The following AGAP1 variants were observed in gnomAD, a reference collection of about 807,000 sequenced individuals.
AGAP1 encodes the protein ArfGAP with GTPase domain, ankyrin repeat and PH domain 1, also known as arf-GAP with GTPase, ANK repeat and PH domain-containing protein 1.
AGAP1 carries 29 observed loss-of-function variants against 105.3 expected under a neutral mutation model. That is an observed-to-expected ratio of 0.28 (90% confidence interval 0.21 to 0.38). The LOEUF (loss-of-function observed/expected upper bound fraction) is 0.38, where lower values mean the gene tolerates loss of function less well. Ranked by LOEUF, AGAP1 falls within the 10% of genes least tolerant of loss-of-function variation. AGAP1 has a pLI of 1.00. For synonymous variants in AGAP1, 509 were observed against 485.9 expected (o/e 1.05, Z -0.63); for missense variants, 998 against 1,165.1 (o/e 0.86, Z 2.09).
At chr2:235,542,532 A>G (rs1350357375) in intron 1 of AGAP1, among the ~76,000 whole-genome samples, 1 of 152,122 alleles carries the variant, frequency 6.6e-6, no homozygotes, top group Non-Finnish European at 1.5e-5. Flanking sequence ...AAAAATCCCA[A>G]ATCCGTACAT....
At chr2:235,638,170 C>CTCTA (rs1491330070) in intron 1 of AGAP1, among the ~76,000 whole-genome samples, 1 of 152,170 alleles carries the variant, frequency 6.6e-6, no homozygotes, top group East Asian at 1.9e-4. Flanking sequence ...GAGAGCAAGA[C>CTCTA]TCTAGTTGGT....
At chr2:235,776,553 C>T (rs1292966429) in intron 6 of AGAP1, among the ~76,000 whole-genome samples, 1 of 152,156 alleles carries the variant, frequency 6.6e-6, no homozygotes, top group Non-Finnish European at 1.5e-5. Flanking sequence ...TCGAGGGTCT[C>T]CTAAGTTGAA....
intron 1 of AGAP1, among the ~76,000 whole-genome samples, chr2:235,502,897 A>C (rs1052874050): frequency 1.3e-5 from 2 of 151,990 alleles, no homozygotes; most frequent in Non-Finnish European, 2.9e-5. Flanking sequence ...TCTCACTCAG[A>C]TAATAGTCTG....
intron 13 of AGAP1, among the ~76,000 whole-genome samples, chr2:236,030,313 C>T (rs551053180): frequency 6.6e-6 from 1 of 152,336 alleles, no homozygotes; most frequent in African/African-American, 2.4e-5. Flanking sequence ...CCATGCCCAG[C>T]CTGTATCAGT....
intron 1 of AGAP1, among the ~76,000 whole-genome samples, chr2:235,516,168 G>A (rs1244726146): frequency 1.3e-5 from 2 of 151,976 alleles, no homozygotes; most frequent in African/African-American, 4.8e-5. Flanking sequence ...GGAACGTGCT[G>A]TCTTCCCATC....
chr2:236,021,514 G>A (rs1286608750), intron 13 of AGAP1, among the ~76,000 whole-genome samples: 1 of 152,144 alleles, frequency 6.6e-6, no homozygotes, highest in Admixed American at 6.5e-5. Context: ...TGCAAAGTGG[G>A]GAGTGTGTCA....
intron 12 of AGAP1, among the ~76,000 whole-genome samples, chr2:235,956,454 C>A (rs570039359): frequency 6.6e-6 from 1 of 152,186 alleles, no homozygotes; most frequent in Admixed American, 6.5e-5. Context: ...CTCTGTGTTC[C>A]TTCTGTCATC....
chr2:235,603,319 T>C (rs1046818342), intron 1 of AGAP1, among the ~76,000 whole-genome samples: 4 of 152,178 alleles, frequency 2.6e-5, no homozygotes, highest in African/African-American at 9.7e-5. Flanking sequence ...TTAAACCTCT[T>C]TTTGTTTATA....
chr2:235,988,612 T>C lies in AGAP1; in HGVS notation c.1645+19989T>C, dbSNP rs1312751870. 1.3e-5 allele frequency among the ~76,000 whole-genome samples: 2 copies of C among 152,108 alleles called. No homozygotes were observed. Among genetic ancestry groups the C allele is most frequent in the Non-Finnish European group, 2.9e-5 (2 of 68,026 alleles). ...CATCTGCAGAGGTCAGCTTTTTCCA[T>C]TGTCTCTGAAACACTTGCATTTTTC... On this transcript the variant is annotated intron_variant, in intron 13 of 17. Coordinates refer to ENST00000304032, the MANE Select transcript of AGAP1 (RefSeq NM_001037131.3). The surrounding 1 kb of genome is among the most constrained non-coding windows in gnomAD (Gnocchi z 4.7).
At chr2:235,968,656 T>C in intron 13 of AGAP1, 33 bp downstream of exon 13, 1 of 1,577,464 alleles carries the variant, frequency 6.3e-7, no homozygotes, top group Non-Finnish European at 8.6e-7. Context: ...GGAGAGAGTC[T>C]CCACTGCGGA....
rs907336062 is a variant in AGAP1 at position 235,988,466 on chromosome 2, C to T, written c.1645+19843C>T. On this transcript the variant is annotated intron_variant, in intron 13 of 17. Transcript: ENST00000304032. The surrounding 1 kb of genome is among the most constrained non-coding windows in gnomAD (Gnocchi z 4.7). ...GTCCTTAAATGCCACCCCCAACCCCCGCCCCGAAGTCAGGAAGTGATTTCT... is the reference window on the plus strand; with the variant it reads ...GTCCTTAAATGCCACCCCCAACCCCTGCCCCGAAGTCAGGAAGTGATTTCT... 7.2e-5 allele frequency among the ~76,000 whole-genome samples: 11 copies of T among 152,150 alleles called. No homozygotes were observed. The highest frequency in any genetic ancestry group is 1.9e-4 in the African/African-American group (8 of 41,434).
In AGAP1 at chr2:235,574,905, T is replaced by C. The variant is rs1161805217; in HGVS notation, c.163+80056T>C. Among the ~76,000 whole-genome samples the C allele has an allele frequency of 6.6e-6, 1 of 152,180 alleles. No homozygotes were observed. Among genetic ancestry groups the C allele is most frequent in the Non-Finnish European group, 1.5e-5 (1 of 68,036 alleles). ...AGGGAGGCCGAGGCAAATGGATCAC[T>C]TGAGCTCAGGAGTTCGACACCAGCC... is the stretch of plus-strand genomic sequence containing the variant. On this transcript the variant is annotated intron_variant, in intron 1 of 17. Transcript: ENST00000304032. This position sits in a 1 kb window ranked among gnomAD's most constrained non-coding sequence, Gnocchi z 5.0.
In AGAP1 at chr2:236,073,857, CA is replaced by C. The variant is rs1410560615; in HGVS notation, c.2114+24577del. Reference sequence around the variant, plus strand: ...CTGCAGGAGACCTGCAGCCCCCCACCAGACCCCCAGAATCACACTATGCTGG... The same window carrying C: ...CTGCAGGAGACCTGCAGCCCCCCACCGACCCCCAGAATCACACTATGCTGG... On this transcript the variant is annotated intron_variant, in intron 16 of 17. Coordinates refer to ENST00000304032, the MANE Select transcript of AGAP1 (RefSeq NM_001037131.3). The surrounding 1 kb of genome is among the most constrained non-coding windows in gnomAD (Gnocchi z 5.4). Among the ~76,000 whole-genome samples the C allele has an allele frequency of 6.6e-6, 1 of 152,142 alleles. No homozygotes were observed. The highest frequency in any genetic ancestry group is 1.5e-5 in the Non-Finnish European group (1 of 68,020).
rs185857670 is a variant in AGAP1, at chr2:235,614,744, G to A, written c.164-94435G>A. Among the ~76,000 whole-genome samples the A allele has an allele frequency of 1.9e-3, 297 of 152,332 alleles. 1 individual carries two copies. Among genetic ancestry groups the A allele is most frequent in the Middle Eastern group, 0.01 (3 of 294 alleles). On this transcript the variant is annotated intron_variant, in intron 1 of 17. Transcript: ENST00000304032. The surrounding 1 kb of genome is among the most constrained non-coding windows in gnomAD (Gnocchi z 4.7). ...GAGACTGGCTAACTCAGTATTCACCGTGAATTCTTTTGTGGGAAATAGAAC... is the reference window on the plus strand; with the variant it reads ...GAGACTGGCTAACTCAGTATTCACCATGAATTCTTTTGTGGGAAATAGAAC...
rs1305513909 is a variant in AGAP1, at chr2:236,036,544, C to T, written c.1646-17C>T. 2 of 1,613,250 alleles carry T rather than the reference C, an allele frequency of 1.2e-6. No individual in the cohort carries two copies. The highest frequency in any genetic ancestry group is 1.3e-5 in the African/African-American group (1 of 74,932). The stretch of plus-strand genomic sequence containing the variant: ...CTCATAAAAGCTAAACTCTTCATCC[C>T]ACACTCTGTGTTTCAGAACAAGAAG... On this transcript the variant is annotated splice_polypyrimidine_tract_variant and intron_variant, in intron 13 of 17. Transcript: ENST00000304032. The surrounding 1 kb of genome is among the most constrained non-coding windows in gnomAD (Gnocchi z 5.7).
intron 16 of AGAP1, among the ~76,000 whole-genome samples, chr2:236,112,808 G>A (rs1054252102): frequency 1.3e-5 from 2 of 152,232 alleles, no homozygotes; most frequent in African/African-American, 2.4e-5. Flanking sequence ...GAGAACTTTG[G>A]CCCTGCTAGG....
chr2:235,591,450 C>T (rs193056250), intron 1 of AGAP1, among the ~76,000 whole-genome samples: 35 of 152,236 alleles, frequency 2.3e-4, no homozygotes, highest in Admixed American at 1.8e-3. Flanking sequence ...CAAAGGCGCA[C>T]GGATTTGGGT....
chr2:235,826,805 G>C (rs959288127), intron 9 of AGAP1, among the ~76,000 whole-genome samples: 2 of 152,162 alleles, frequency 1.3e-5, no homozygotes, highest in African/African-American at 4.8e-5. Context: ...TCTTCACGAA[G>C]TTCCTGTGGA....
Position 235,945,649 on chromosome 2 carries a change from T to C in AGAP1, c.1483+14726T>C, listed in dbSNP as rs569232764. ...TTAAGCTTTTTGGTTTCTAAAAAAC[T>C]CAGTCCTACACAAAGCTCTTAGATT... is the stretch of plus-strand genomic sequence containing the variant. On this transcript the variant is annotated intron_variant, in intron 12 of 17. Transcript: ENST00000304032. 2.0e-5 allele frequency among the ~76,000 whole-genome samples: 3 copies of C among 152,290 alleles called. No individual in the cohort carries two copies. The East Asian group carries it at 5.8e-4, about 29-fold the overall frequency.
Sources: allele counts gnomAD v4.1 joint callset (sites outside exome capture counted in the v4.1 genomes callset), GRCh38; gene constraint gnomAD v4.1.1; non-coding constraint Gnocchi (gnomAD v3.1); transcripts MANE v1.5; gene names NCBI Gene and HGNC (gene_info 2026-07-23, HGNC 2026-07-21).